The following MAPRE2 variants were observed in gnomAD, a reference collection of about 807,000 sequenced individuals.
The protein encoded by MAPRE2 is microtubule-associated protein RP/EB family member 2.
A neutral mutation model predicts 43.2 loss-of-function variants in MAPRE2; 13 were observed. The observed-to-expected ratio is 0.30, with a 90% confidence interval of 0.20 to 0.48. The LOEUF (loss-of-function observed/expected upper bound fraction) is 0.48. MAPRE2 is among the 20% of genes least tolerant of loss of function. MAPRE2 has a pLI of 0.99. For synonymous variants in MAPRE2, 135 were observed against 148.8 expected (o/e 0.91, Z 0.68); for missense variants, 161 against 400.2 (o/e 0.40, Z 5.10).
At chr18:35,097,737 C>A (rs565202834) in intron 3 of MAPRE2, 146 bp downstream of exon 3, 2 of 622,406 alleles carry the variant, frequency 3.2e-6, no homozygotes, top group East Asian at 2.9e-5. Context: ...TAAAGCATCA[C>A]CCTAAGTTCT....
At chr18:35,004,382 A>T (rs976557534) in intron 1 of MAPRE2, among the ~76,000 whole-genome samples, 1 of 152,168 alleles carries the variant, frequency 6.6e-6, no homozygotes, top group Admixed American at 6.5e-5. Context: ...GCTTAGGTGG[A>T]AAGTGGGGAA....
intron 2 of MAPRE2, among the ~76,000 whole-genome samples, chr18:35,076,598 T>C (rs556825669): frequency 3.5e-4 from 53 of 152,338 alleles, no homozygotes; most frequent in Middle Eastern, 6.8e-3. Context: ...CTTTGTCTTA[T>C]GACACAGGGA....
intron 4 of MAPRE2, among the ~76,000 whole-genome samples, chr18:35,104,059 G>A (rs1400244510): frequency 1.3e-5 from 2 of 152,076 alleles, no homozygotes; most frequent in Non-Finnish European, 2.9e-5. Flanking sequence ...CAAAAAAGAT[G>A]AACATCAGGA....
intron 2 of MAPRE2, among the ~76,000 whole-genome samples, chr18:35,074,143 T>C (rs1050554854): frequency 6.6e-6 from 1 of 152,238 alleles, no homozygotes; most frequent in Non-Finnish European, 1.5e-5. Context: ...ATTGCTCACC[T>C]AGATCTATTT....
At chr18:35,050,983 A>G (rs1905908610) in intron 1 of MAPRE2, among the ~76,000 whole-genome samples, 1 of 152,142 alleles carries the variant, frequency 6.6e-6, no homozygotes, top group East Asian at 1.9e-4. Flanking sequence ...ACTGTCAGCA[A>G]CTCTGAAATA....
At chr18:35,061,715 G>A (rs985762870) in intron 1 of MAPRE2, among the ~76,000 whole-genome samples, 1 of 152,182 alleles carries the variant, frequency 6.6e-6, no homozygotes, top group African/African-American at 2.4e-5. Context: ...AGTTTTAGGC[G>A]AAACTCCATA....
At chr18:35,015,756 CA>C (rs1304486670) in intron 2 of MAPRE2, among the ~76,000 whole-genome samples, 1 of 151,262 alleles carries the variant, frequency 6.6e-6, no homozygotes, top group Non-Finnish European at 1.5e-5. Flanking sequence ...AAATTCAGAA[CA>C]AACCCCAATA....
At chr18:35,086,789 A>G (rs1296896319) in intron 2 of MAPRE2, among the ~76,000 whole-genome samples, 2 of 152,162 alleles carry the variant, frequency 1.3e-5, no homozygotes, top group Non-Finnish European at 2.9e-5. Context: ...TATGGGAATG[A>G]TAATAAAAAT....
intron 1 of MAPRE2, among the ~76,000 whole-genome samples, chr18:34,980,469 G>T (rs1231104091): frequency 6.6e-6 from 1 of 152,090 alleles, no homozygotes; most frequent in Non-Finnish European, 1.5e-5. Flanking sequence ...CTCAGTGTCT[G>T]TAGCCCCCAA....
intron 2 of MAPRE2, among the ~76,000 whole-genome samples, chr18:35,031,023 C>G (rs933346479): frequency 6.6e-6 from 1 of 152,200 alleles, no homozygotes; most frequent in African/African-American, 2.4e-5. Context: ...AATGTCTACC[C>G]TGGTCACCCC....
chr18:34,984,238 G>GT (rs1200702231), intron 1 of MAPRE2, among the ~76,000 whole-genome samples: 19 of 152,106 alleles, frequency 1.2e-4, no homozygotes, highest in Admixed American at 1.2e-3. Context: ...ATTTTTTATT[G>GT]TAAGTGTTGC....
chr18:35,071,587 T>A (rs1387591772), intron 2 of MAPRE2, among the ~76,000 whole-genome samples: 1 of 152,136 alleles, frequency 6.6e-6, no homozygotes, highest in Non-Finnish European at 1.5e-5. Context: ...TGTGTGAAAT[T>A]TCATGAGTCA....
At chr18:35,065,458 GT>G (rs1185023197) in intron 1 of MAPRE2, among the ~76,000 whole-genome samples, 1 of 152,166 alleles carries the variant, frequency 6.6e-6, no homozygotes, top group Non-Finnish European at 1.5e-5. Context: ...ATATTAAAGT[GT>G]GGTGACCCAG....
intron 1 of MAPRE2, among the ~76,000 whole-genome samples, chr18:35,063,196 TG>T (rs1906626764): frequency 6.6e-6 from 1 of 151,962 alleles, no homozygotes; most frequent in African/African-American, 2.4e-5. Context: ...CTCCACCTCC[TG>T]GGTTCACGCC....
chr18:35,086,589 C>T (rs893504110), intron 2 of MAPRE2, among the ~76,000 whole-genome samples: 3 of 151,712 alleles, frequency 2.0e-5, no homozygotes, highest in Non-Finnish European at 4.4e-5. Flanking sequence ...ATTTCTAAAA[C>T]TTAATCTATA....
chr18:34,981,887 A>AC (rs1568959672), intron 1 of MAPRE2, among the ~76,000 whole-genome samples: 1 of 34,782 alleles, frequency 2.9e-5, no homozygotes, highest in African/African-American at 5.9e-5. Context: ...ATTTTTATTT[A>AC]TTTTTTTTTT....
At chr18:35,013,054 G>A (rs1202055099) in intron 2 of MAPRE2, among the ~76,000 whole-genome samples, 3 of 152,212 alleles carry the variant, frequency 2.0e-5, no homozygotes, top group Admixed American at 6.5e-5. Flanking sequence ...GCCCATAAAG[G>A]TTATATAAAA....
intron 3 of MAPRE2, among the ~76,000 whole-genome samples, chr18:35,101,332 A>G (rs939493788): frequency 6.6e-6 from 1 of 152,184 alleles, no homozygotes; most frequent in Non-Finnish European, 1.5e-5. Flanking sequence ...ACAGGCATGC[A>G]ATATGAAAGA....
intron 6 of MAPRE2, among the ~76,000 whole-genome samples, chr18:35,136,109 G>GA (rs1910381205): frequency 6.6e-6 from 1 of 152,208 alleles, no homozygotes; most frequent in Non-Finnish European, 1.5e-5. Context: ...GTTTTGAGCA[G>GA]AAAATCAACA....
Sources: allele counts gnomAD v4.1 joint callset (sites outside exome capture counted in the v4.1 genomes callset), GRCh38; gene constraint gnomAD v4.1.1; transcripts MANE v1.5; gene names NCBI Gene and HGNC (gene_info 2026-07-23, HGNC 2026-07-21).